Variants in MEGF10 observed in about 807,000 individuals in gnomAD.
MEGF10 encodes the protein multiple epidermal growth factor-like domains protein 10.
In MEGF10, 86 loss-of-function variants were observed where a neutral mutation model predicts 147.5. The observed-to-expected ratio is 0.58, with a 90% CI of 0.49 to 0.70. The LOEUF is 0.70. Among genes scored for constraint, MEGF10 ranks in the 30% least tolerant of loss-of-function variants. MEGF10 has a pLI of 0.00. For synonymous variants in MEGF10, 478 were observed against 525.5 expected, an observed-to-expected ratio of 0.91 and a Z score of 1.24; for missense variants, 1,329 against 1,487.3, an observed-to-expected ratio of 0.89 and a Z score of 1.75.
At chr5:127,279,756 T>G in the MEGF10 span, among the ~76,000 whole-genome samples, 1 of 152,164 alleles carries the variant, frequency 6.6e-6, no homozygotes, top group Non-Finnish European at 1.5e-5. Context: ...CACCCCACTA[T>G]AGAAAGAGAC....
intron 5 of MEGF10, among the ~76,000 whole-genome samples, chr5:127,388,517 T>TTTTATTTA (rs368047649): frequency 0.01 from 1,455 of 142,026 alleles, 21 homozygotes; most frequent in Admixed American, 0.027. Context: ...TCTTTTTTCT[T>TTTTATTTA]TTTATTTATT....
intron 4 of MEGF10, among the ~76,000 whole-genome samples, chr5:127,358,910 G>C (rs796559827): frequency 7.2e-4 from 109 of 152,256 alleles, no homozygotes; most frequent in African/African-American, 2.4e-3. Context: ...GTTGTGGCCA[G>C]AATAGATAAT....
intron 1 of MEGF10, among the ~76,000 whole-genome samples, chr5:127,305,630 A>AAC (rs1481896154): frequency 6.6e-6 from 1 of 152,056 alleles, no homozygotes; most frequent in African/African-American, 2.4e-5. Context: ...ACAAAGCAAA[A>AAC]ACAGAGACAA....
chr5:127,277,137 G>A, the MEGF10 span, among the ~76,000 whole-genome samples: 1 of 152,254 alleles, frequency 6.6e-6, no homozygotes, highest in Non-Finnish European at 1.5e-5. Flanking sequence ...AGCACTGAGA[G>A]TAGTGGATAC....
intron 23 of MEGF10, among the ~76,000 whole-genome samples, chr5:127,455,037 T>G (rs564233197): frequency 4.9e-4 from 74 of 152,318 alleles, no homozygotes; most frequent in Non-Finnish European, 7.5e-4. Context: ...AAATGCCTTC[T>G]TGTCATGATA....
intron 8 of MEGF10, among the ~76,000 whole-genome samples, chr5:127,404,475 T>G (rs1043304535): frequency 2.6e-5 from 4 of 152,086 alleles, no homozygotes; most frequent in East Asian, 3.9e-4. Flanking sequence ...TGGAAATACT[T>G]TATCTCATTC....
chr5:127,390,443 G>T (rs11953024), intron 5 of MEGF10, among the ~76,000 whole-genome samples: 1 of 151,818 alleles, frequency 6.6e-6, no homozygotes, highest in African/African-American at 2.4e-5. Flanking sequence ...GTGCAAGCCA[G>T]CACGCTGGGC....
At chr5:127,409,283 C>T (rs1160060736) in intron 8 of MEGF10, among the ~76,000 whole-genome samples, 1 of 152,166 alleles carries the variant, frequency 6.6e-6, no homozygotes, top group Non-Finnish European at 1.5e-5. Context: ...CTAAAAAATG[C>T]AAGGCTGACC....
At chr5:127,313,306 T>C (rs1292297310) in intron 1 of MEGF10, among the ~76,000 whole-genome samples, 1 of 152,204 alleles carries the variant, frequency 6.6e-6, no homozygotes, top group African/African-American at 2.4e-5. Flanking sequence ...ATTATTGCTT[T>C]ATTATCTTTC....
chr5:127,248,238 G>A, the MEGF10 span, among the ~76,000 whole-genome samples: 1 of 152,006 alleles, frequency 6.6e-6, no homozygotes, highest in African/African-American at 2.4e-5. Flanking sequence ...TTGTGTAGTT[G>A]CTGGCCAGAA....
chr5:127,407,132 G>A (rs1163173312), intron 8 of MEGF10, among the ~76,000 whole-genome samples: 1 of 152,172 alleles, frequency 6.6e-6, no homozygotes, highest in African/African-American at 2.4e-5. Flanking sequence ...CAATGGAGGA[G>A]CTCTTTCCTG....
chr5:127,289,277 G>A (rs1170619386), upstream of MEGF10, among the ~76,000 whole-genome samples: 2 of 152,194 alleles, frequency 1.3e-5, no homozygotes, highest in African/African-American at 2.4e-5. Context: ...GGGCAACCAA[G>A]TTTCATAAAG....
chr5:127,315,630 C>T (rs187400830), intron 1 of MEGF10, among the ~76,000 whole-genome samples: 1 of 152,038 alleles, frequency 6.6e-6, no homozygotes, highest in East Asian at 1.9e-4. Context: ...AAAAATTAGC[C>T]AGGTGTGTTG....
chr5:127,408,237 T>C (rs1186400794), intron 8 of MEGF10, among the ~76,000 whole-genome samples: 4 of 152,238 alleles, frequency 2.6e-5, no homozygotes, highest in Admixed American at 2.6e-4. Context: ...AAGCTGTGCT[T>C]TTTACCAAGT....
intron 9 of MEGF10, among the ~76,000 whole-genome samples, chr5:127,414,801 A>G (rs748889864): frequency 3.3e-5 from 5 of 152,150 alleles, no homozygotes; most frequent in Non-Finnish European, 5.9e-5. Context: ...CCCTCCTGGA[A>G]CTCACAGTGT....
At chr5:127,274,558 A>G in the MEGF10 span, among the ~76,000 whole-genome samples, 9 of 152,140 alleles carry the variant, frequency 5.9e-5, no homozygotes, top group African/African-American at 1.7e-4. Flanking sequence ...GGTGGTGGAA[A>G]CTATTATATT....
chr5:127,257,841 T>G, the MEGF10 span, among the ~76,000 whole-genome samples: 2 of 152,354 alleles, frequency 1.3e-5, no homozygotes, highest in South Asian at 2.1e-4. Flanking sequence ...GAAATAGGTA[T>G]GTACATAATT....
chr5:127,294,134 G>T (rs1759391319), intron 1 of MEGF10, among the ~76,000 whole-genome samples: 1 of 152,154 alleles, frequency 6.6e-6, no homozygotes, highest in Admixed American at 6.5e-5. Context: ...AAATCCCTTT[G>T]AAGACTTTCC....
intron 2 of MEGF10, 85 bp from the exon 3 acceptor site, chr5:127,339,035 T>G (rs1761574881): frequency 1.4e-6 from 1 of 737,642 alleles, no homozygotes; most frequent in African/African-American, 1.8e-5. Context: ...TGGAGATAAT[T>G]TAGCTTACAA....
Sources: allele counts gnomAD v4.1 joint callset (sites outside exome capture counted in the v4.1 genomes callset), GRCh38; gene constraint gnomAD v4.1.1; transcripts MANE v1.5; gene names NCBI Gene and HGNC (gene_info 2026-07-23, HGNC 2026-07-21).